Variants in ELMO1 observed in about 807,000 individuals in gnomAD.
ELMO1 encodes engulfment and cell motility protein 1.
A neutral mutation model predicts 98.9 loss-of-function variants in ELMO1; 26 were observed. That is an observed-to-expected ratio of 0.26 (90% CI 0.19 to 0.36). The LOEUF is 0.36. Ranked by LOEUF, ELMO1 falls within the 10% of genes least tolerant of loss-of-function variation. ELMO1 has a pLI of 1.00. For synonymous variants in ELMO1, 346 were observed against 346.0 expected, an observed-to-expected ratio of 1.00 and a Z score of 0.00; for missense variants, 627 against 935.2, an observed-to-expected ratio of 0.67 and a Z score of 4.30.
At chr7:37,416,498 G>C (rs1274858974) in intron 1 of ELMO1, among the ~76,000 whole-genome samples, 3 of 152,284 alleles carry the variant, frequency 2.0e-5, no homozygotes, top group Admixed American at 6.5e-5. Context: ...AGAGGAGCAG[G>C]CTTGTCCATG....
chr7:37,361,588 TAAAAG>T (rs1464020573), intron 1 of ELMO1, among the ~76,000 whole-genome samples: 1 of 152,160 alleles, frequency 6.6e-6, no homozygotes. Context: ...CTACGCTAAA[TAAAAG>T]AAGTCAGTTA....
chr7:37,247,828 A>G (rs1429861874), intron 6 of ELMO1, among the ~76,000 whole-genome samples: 1 of 152,142 alleles, frequency 6.6e-6, no homozygotes, highest in Non-Finnish European at 1.5e-5. Flanking sequence ...GTCTCTGGGA[A>G]AAGAGCAAGA....
chr7:37,079,242 T>A (rs1378267073), intron 15 of ELMO1, among the ~76,000 whole-genome samples: 1 of 152,218 alleles, frequency 6.6e-6, no homozygotes, highest in African/African-American at 2.4e-5. Context: ...CCCTTTCAGC[T>A]TCTACCTTAT....
intron 16 of ELMO1, among the ~76,000 whole-genome samples, chr7:36,916,790 ACCT>A (rs1784723955): frequency 6.6e-6 from 1 of 151,836 alleles, no homozygotes; most frequent in Non-Finnish European, 1.5e-5. Context: ...ATAGCTGGAA[ACCT>A]CCTGCTCTAA....
chr7:37,152,900 T>C (rs1279130168), intron 13 of ELMO1, among the ~76,000 whole-genome samples: 1 of 152,148 alleles, frequency 6.6e-6, no homozygotes, highest in Non-Finnish European at 1.5e-5. Context: ...GCTGGTTGTG[T>C]TGGAGCAAAA....
At chr7:36,872,402 G>A (rs573006726) in intron 19 of ELMO1, among the ~76,000 whole-genome samples, 1 of 152,358 alleles carries the variant, frequency 6.6e-6, no homozygotes, top group South Asian at 2.1e-4. Context: ...TTGCCAACCT[G>A]TGTATGTTGT....
At chr7:37,109,125 G>A (rs1039529609) in intron 14 of ELMO1, among the ~76,000 whole-genome samples, 6 of 152,092 alleles carry the variant, frequency 3.9e-5, no homozygotes, top group Non-Finnish European at 7.4e-5. Flanking sequence ...CAAGCTGGGG[G>A]GAAAACTCAC....
At chr7:37,245,126 C>T (rs567247668) in intron 6 of ELMO1, among the ~76,000 whole-genome samples, 1 of 152,272 alleles carries the variant, frequency 6.6e-6, no homozygotes, top group South Asian at 2.1e-4. Flanking sequence ...GCCCAACTCG[C>T]TAAGTCCTAC....
chr7:37,091,688 T>C (rs1336101097), intron 15 of ELMO1, among the ~76,000 whole-genome samples: 1 of 152,124 alleles, frequency 6.6e-6, no homozygotes, highest in Non-Finnish European at 1.5e-5. Flanking sequence ...GTTTTCACGC[T>C]GCTGCTAAAG....
intron 14 of ELMO1, among the ~76,000 whole-genome samples, chr7:37,100,557 C>G (rs530091602): frequency 6.6e-6 from 1 of 152,370 alleles, no homozygotes; most frequent in South Asian, 2.1e-4. Context: ...CTCTGACACA[C>G]TCTCTCTTCC....
intron 16 of ELMO1, among the ~76,000 whole-genome samples, chr7:36,946,760 C>T (rs1487541046): frequency 1.3e-5 from 2 of 152,146 alleles, no homozygotes; most frequent in African/African-American, 4.8e-5. Flanking sequence ...AATGCAGATG[C>T]ACAGTCCTGG....
chr7:37,186,958 C>A (rs541544558), intron 13 of ELMO1, among the ~76,000 whole-genome samples: 2 of 152,132 alleles, frequency 1.3e-5, no homozygotes, highest in Non-Finnish European at 2.9e-5. Context: ...CTTTTAAGTA[C>A]AGAACAAAGA....
intron 8 of ELMO1, among the ~76,000 whole-genome samples, chr7:37,231,451 G>A (rs1794171638): frequency 6.6e-6 from 1 of 152,194 alleles, no homozygotes; most frequent in South Asian, 2.1e-4. Flanking sequence ...ATGAAAGGAT[G>A]CACTGAGGAT....
At chr7:37,016,893 C>T (rs1793973969) in intron 15 of ELMO1, among the ~76,000 whole-genome samples, 1 of 152,236 alleles carries the variant, frequency 6.6e-6, no homozygotes, top group Admixed American at 6.5e-5. Flanking sequence ...CATCATTATT[C>T]TGCTTCACTT....
intron 14 of ELMO1, among the ~76,000 whole-genome samples, chr7:37,108,010 T>A (rs1185355996): frequency 6.6e-6 from 1 of 152,150 alleles, no homozygotes; most frequent in Non-Finnish European, 1.5e-5. Context: ...GAACATATTA[T>A]CAAACAGAAA....
chr7:37,348,143 A>T (rs1358176664), intron 1 of ELMO1, among the ~76,000 whole-genome samples: 5 of 152,162 alleles, frequency 3.3e-5, no homozygotes, highest in African/African-American at 9.7e-5. Flanking sequence ...CTCAATGAAC[A>T]TCTCATTAGA....
chr7:36,882,091 C>T (rs929071557), intron 18 of ELMO1, among the ~76,000 whole-genome samples: 3 of 152,178 alleles, frequency 2.0e-5, no homozygotes, highest in Non-Finnish European at 2.9e-5. Flanking sequence ...AAGAACCAAA[C>T]CCCGAGACTG....
At chr7:36,997,227 T>A (rs12539132) in intron 16 of ELMO1, among the ~76,000 whole-genome samples, 1,609 of 152,296 alleles carry the variant, frequency 0.011, 42 homozygotes, top group East Asian at 0.07. Context: ...AGGAATGATT[T>A]CTTTTAAGAC....
At chr7:36,953,839 T>TTGTGTG (rs10522376) in intron 16 of ELMO1, among the ~76,000 whole-genome samples, 1,374 of 136,192 alleles carry the variant, frequency 0.01, 26 homozygotes, top group Non-Finnish European at 0.014. Flanking sequence ...TGGGTATGTT[T>TTGTGTG]TGTGTGTGTG....
Sources: gnomAD v4.1 joint callset for allele counts (sites outside exome capture counted in the v4.1 genomes callset) on GRCh38, gnomAD v4.1.1 for gene constraint, MANE v1.5 for transcripts, NCBI Gene and HGNC (gene_info 2026-07-23, HGNC 2026-07-21) for gene names.